Variants in ANXA4 observed in about 807,000 individuals in gnomAD.
The protein encoded by ANXA4 is annexin A4, also known as 35-beta calcimedin.
In ANXA4, 39 loss-of-function variants were observed where a neutral mutation model predicts 49.8. That is an observed-to-expected ratio of 0.78 (90% CI 0.61 to 1.02). ANXA4 has a LOEUF of 1.02. ANXA4 is among the 50% of genes least tolerant of loss of function. ANXA4 has a pLI of 0.00. For synonymous variants in ANXA4, 134 were observed against 152.5 expected (o/e 0.88, Z 0.89); for missense variants, 360 against 410.1 (o/e 0.88, Z 1.05).
At chr2:69,671,895 C>T (rs1169829850) in intron 2 of ANXA4, among the ~76,000 whole-genome samples, 1 of 152,174 alleles carries the variant, frequency 6.6e-6, no homozygotes, top group African/African-American at 2.4e-5. Flanking sequence ...CTAGAACTCT[C>T]ATTCACTGCA....
At chr2:69,747,658 G>A (rs932830952) in intron 1 of ANXA4, among the ~76,000 whole-genome samples, 1 of 152,162 alleles carries the variant, frequency 6.6e-6, no homozygotes, top group Admixed American at 6.5e-5. Flanking sequence ...AATGTGTAAT[G>A]AGTTGCAGTC....
Position 69,787,824 on chromosome 2 carries a change from A to G in ANXA4, c.10-230A>G, listed in dbSNP as rs149779076. On this transcript the variant is annotated intron_variant, in intron 2 of 12. Coordinates refer to ENST00000394295, the MANE Select transcript of ANXA4 (RefSeq NM_001153.5). ...CTGCTTCACAGCAATGCTCACCCCT[A>G]GGCACTTTATGGAATTGTGAATTGT... Among the ~76,000 whole-genome samples, 64 of 152,294 alleles carry G rather than the reference A, an allele frequency of 4.2e-4. No homozygotes were observed. The East Asian group carries it at 0.01, about 24-fold the overall frequency.
At chr2:69,746,884 G>T (rs1187735062) in intron 1 of ANXA4, among the ~76,000 whole-genome samples, 1 of 151,774 alleles carries the variant, frequency 6.6e-6, no homozygotes. Flanking sequence ...TGTAGTCCAA[G>T]CTATATGGGA....
intron 3 of ANXA4, among the ~76,000 whole-genome samples, chr2:69,730,579 G>GT (rs1447797036): frequency 6.6e-6 from 1 of 152,208 alleles, no homozygotes; most frequent in Non-Finnish European, 1.5e-5. Flanking sequence ...GAGGTTCAAT[G>GT]TTCTTCAGCT....
intron 3 of ANXA4, among the ~76,000 whole-genome samples, chr2:69,801,148 C>A (rs1673176261): frequency 6.6e-6 from 1 of 152,146 alleles, no homozygotes; most frequent in African/African-American, 2.4e-5. Flanking sequence ...TTGGTCATTT[C>A]TTTCTTACTG....
At chr2:69,685,034 G>A (rs757599594) in intron 2 of ANXA4, among the ~76,000 whole-genome samples, 15 of 152,130 alleles carry the variant, frequency 9.9e-5, no homozygotes, top group Non-Finnish European at 1.5e-4. Flanking sequence ...GATATTTGGG[G>A]CATCATAGAG....
intron 3 of ANXA4, among the ~76,000 whole-genome samples, chr2:69,722,784 T>A (rs982004936): frequency 1.3e-5 from 2 of 151,728 alleles, no homozygotes; most frequent in Non-Finnish European, 2.9e-5. Flanking sequence ...TTATATGTAT[T>A]TAACTACAAT....
chr2:69,793,779 G>A (rs563094557), intron 3 of ANXA4, among the ~76,000 whole-genome samples: 21 of 151,730 alleles, frequency 1.4e-4, no homozygotes, highest in African/African-American at 5.1e-4. Context: ...TTTCCCCAAG[G>A]AGTCCCAGGC....
At chr2:69,713,420 A>T (rs1334337536) in intron 2 of ANXA4, among the ~76,000 whole-genome samples, 1 of 152,234 alleles carries the variant, frequency 6.6e-6, no homozygotes, top group Non-Finnish European at 1.5e-5. Flanking sequence ...GTAAATGTTT[A>T]GCAGCTGGCT....
rs574383333 is a variant in ANXA4, at chr2:69,681,629, G to A, written n.766+28347G>A. Among the ~76,000 whole-genome samples the A allele has an allele frequency of 2.8e-4, 42 of 152,118 alleles. 1 individual carries two copies. In the South Asian group the frequency reaches 6.2e-3, roughly 23 times the overall value. ...TTACAGGCATGAGCCTCTGTGCCCG[G>A]CCCATTTCTGATTTTATTTATTTGT... is the stretch of plus-strand genomic sequence containing the variant. On this transcript the variant is annotated intron_variant and non_coding_transcript_variant, in intron 2 of 3. Coordinates refer to the ANXA4 transcript ENST00000418066.
At chr2:69,785,569 ATGATGATGATGTTT>A (rs1672380349) in intron 2 of ANXA4, among the ~76,000 whole-genome samples, 1 of 151,930 alleles carries the variant, frequency 6.6e-6, no homozygotes, top group African/African-American at 2.4e-5. Context: ...GATGATGATG[ATGATGATGATGTTT>A]CTGAGTTTTT....
chr2:69,679,832 T>A (rs1677534903), intron 2 of ANXA4, among the ~76,000 whole-genome samples: 1 of 152,196 alleles, frequency 6.6e-6, no homozygotes, highest in African/African-American at 2.4e-5. Flanking sequence ...GTGGATTTAC[T>A]TCCGGATTCT....
chr2:69,740,116 C>T (rs542353566), upstream of ANXA4, among the ~76,000 whole-genome samples: 2 of 152,294 alleles, frequency 1.3e-5, no homozygotes, highest in Admixed American at 6.5e-5. Context: ...GCTGGATGCA[C>T]CCACCTAGTA....
intron 2 of ANXA4, among the ~76,000 whole-genome samples, chr2:69,678,032 G>A (rs1455233032): frequency 1.3e-5 from 2 of 152,066 alleles, no homozygotes; most frequent in Admixed American, 1.3e-4. Context: ...TACTGTGAAG[G>A]GAACATAACT....
chr2:69,670,781 T>C (rs984551477), intron 2 of ANXA4, among the ~76,000 whole-genome samples: 1 of 151,884 alleles, frequency 6.6e-6, no homozygotes, highest in Admixed American at 6.6e-5. Flanking sequence ...CCCAGCACTC[T>C]AGGAGGTTGA....
intron 1 of ANXA4, among the ~76,000 whole-genome samples, chr2:69,772,811 G>A (rs1671781951): frequency 6.6e-6 from 1 of 152,138 alleles, no homozygotes; most frequent in Admixed American, 6.5e-5. Context: ...GAGGTCAGGA[G>A]ATCAAGACCA....
upstream of ANXA4, chr2:69,643,906 A>G (rs1182642193): frequency 9.5e-6 from 11 of 1,163,316 alleles, no homozygotes; most frequent in Middle Eastern, 3.4e-4. Context: ...CCGCGAGAAG[A>G]GGACTGGGGG....
intron 3 of ANXA4, among the ~76,000 whole-genome samples, chr2:69,734,558 G>GAGCC (rs1332993265): frequency 6.6e-6 from 1 of 152,070 alleles, no homozygotes; most frequent in Non-Finnish European, 1.5e-5. Context: ...AACCTCCTTG[G>GAGCC]AGCCCTGCTG....
At chr2:69,796,179 G>A (rs189649514) in intron 3 of ANXA4, among the ~76,000 whole-genome samples, 54 of 152,314 alleles carry the variant, frequency 3.5e-4, no homozygotes, top group Middle Eastern at 3.4e-3. Context: ...TTCACCACAC[G>A]CTGGACAGGG....
Sources: gnomAD v4.1 joint callset for allele counts (sites outside exome capture counted in the v4.1 genomes callset) on GRCh38, gnomAD v4.1.1 for gene constraint, MANE v1.5 for transcripts, NCBI Gene and HGNC (gene_info 2026-07-23, HGNC 2026-07-21) for gene names.